The following RNLS variants were observed in gnomAD, a reference collection of about 807,000 sequenced individuals.
The protein encoded by RNLS is renalase, FAD dependent amine oxidase.
Under a neutral mutation model 39.8 loss-of-function variants are expected in RNLS, and 39 were observed. The observed-to-expected ratio is 0.98, with a 90% confidence interval of 0.76 to 1.28. The LOEUF is 1.28. RNLS is among the 50% of genes most tolerant of loss of function. The pLI is 0.00. For synonymous variants in RNLS, 147 were observed against 150.7 expected, an observed-to-expected ratio of 0.98 and a Z score of 0.18; for missense variants, 410 against 413.3, an observed-to-expected ratio of 0.99 and a Z score of 0.07.
At chr10:88,180,492 T>A in the RNLS span, among the ~76,000 whole-genome samples, 1 of 152,172 alleles carries the variant, frequency 6.6e-6, no homozygotes, top group Non-Finnish European at 1.5e-5. Context: ...CAGAAACAGT[T>A]TTTGGTGCTT....
At chr10:88,172,279 A>G in the RNLS span, among the ~76,000 whole-genome samples, 2 of 152,136 alleles carry the variant, frequency 1.3e-5, no homozygotes, top group Non-Finnish European at 2.9e-5. Context: ...GTACTAATTT[A>G]TATTCATACC....
the RNLS span, among the ~76,000 whole-genome samples, chr10:88,251,684 A>C: frequency 6.6e-6 from 1 of 152,250 alleles, no homozygotes; most frequent in Non-Finnish European, 1.5e-5. Flanking sequence ...GTGCATACAC[A>C]CACGTATCTG....
chr10:88,413,410 C>T (rs903267788), intron 4 of RNLS, among the ~76,000 whole-genome samples: 16 of 152,186 alleles, frequency 1.1e-4, no homozygotes, highest in African/African-American at 3.6e-4. Context: ...TTGCTTCTGG[C>T]ACTGTGAAAA....
At chr10:88,287,074 C>A (rs1178761677) in intron 6 of RNLS, among the ~76,000 whole-genome samples, 2 of 152,092 alleles carry the variant, frequency 1.3e-5, no homozygotes. Flanking sequence ...CAGGCATAAG[C>A]CACCATGCCT....
At chr10:88,310,801 C>CAAATAAAAAAAAAAA (rs1845303605) in intron 6 of RNLS, among the ~76,000 whole-genome samples, 1 of 19,586 alleles carries the variant, frequency 5.1e-5, no homozygotes, top group Non-Finnish European at 9.0e-5. Context: ...CTACCTCTGC[C>CAAATAAAAAAAAAAA]AAAAAAAAAA....
chr10:88,210,277 A>T, the RNLS span, among the ~76,000 whole-genome samples: 1 of 152,180 alleles, frequency 6.6e-6, no homozygotes, highest in East Asian at 1.9e-4. Context: ...CTTAGTAAAT[A>T]ATCAGTATTT....
intron 4 of RNLS, among the ~76,000 whole-genome samples, chr10:88,443,178 C>G (rs1006596308): frequency 1.3e-5 from 2 of 151,970 alleles, no homozygotes; most frequent in African/African-American, 4.8e-5. Flanking sequence ...GACTTTTGTC[C>G]CTTTTAATTT....
intron 4 of RNLS, among the ~76,000 whole-genome samples, chr10:88,423,818 C>T (rs774485840): frequency 2.6e-5 from 4 of 152,156 alleles, no homozygotes; most frequent in Non-Finnish European, 5.9e-5. Flanking sequence ...GTGCTATCTA[C>T]AGCAGGTATG....
intron 4 of RNLS, among the ~76,000 whole-genome samples, chr10:88,369,910 T>TC (rs1389554060): frequency 6.6e-6 from 1 of 152,168 alleles, no homozygotes; most frequent in Non-Finnish European, 1.5e-5. Context: ...GGTTTTGAAC[T>TC]CCTGACCTCA....
chr10:88,547,615 G>T (rs1848385536), intron 4 of RNLS, among the ~76,000 whole-genome samples: 1 of 152,138 alleles, frequency 6.6e-6, no homozygotes, highest in South Asian at 2.1e-4. Context: ...AGAATTATAA[G>T]CATAGCACTA....
At chr10:88,416,307 G>T (rs940897776) in intron 4 of RNLS, among the ~76,000 whole-genome samples, 5 of 151,694 alleles carry the variant, frequency 3.3e-5, no homozygotes. Context: ...AGGCTGGAGT[G>T]CAATGGCGTG....
At chr10:88,516,833 A>G (rs1846431147) in intron 4 of RNLS, among the ~76,000 whole-genome samples, 1 of 151,996 alleles carries the variant, frequency 6.6e-6, no homozygotes, top group South Asian at 2.1e-4. Context: ...TTTGTACAGC[A>G]TTTAAAACCA....
intron 4 of RNLS, among the ~76,000 whole-genome samples, chr10:88,429,237 AC>A (rs929727581): frequency 2.2e-4 from 33 of 152,054 alleles, no homozygotes; most frequent in South Asian, 1.0e-3. Context: ...GACTTAGTTT[AC>A]TCATATGTAA....
intron 4 of RNLS, among the ~76,000 whole-genome samples, chr10:88,406,390 C>A (rs1853273788): frequency 6.6e-6 from 1 of 151,930 alleles, no homozygotes; most frequent in Non-Finnish European, 1.5e-5. Context: ...TAACATAAAC[C>A]CAGACTTCTC....
chr10:88,279,817 A>T (rs990631350), downstream of RNLS, among the ~76,000 whole-genome samples: 1 of 152,150 alleles, frequency 6.6e-6, no homozygotes, highest in Non-Finnish European at 1.5e-5. Flanking sequence ...CTTTCCAAGG[A>T]CTACATTAGA....
At chr10:88,402,038 A>G (rs1440438867) in intron 4 of RNLS, among the ~76,000 whole-genome samples, 2 of 152,074 alleles carry the variant, frequency 1.3e-5, no homozygotes, top group Non-Finnish European at 2.9e-5. Flanking sequence ...TAAGATACAG[A>G]AAAGAGAGGG....
intron 5 of RNLS, among the ~76,000 whole-genome samples, chr10:88,335,244 G>A (rs1161413236): frequency 7.0e-6 from 1 of 141,880 alleles, no homozygotes; most frequent in Non-Finnish European, 1.5e-5. Flanking sequence ...TTGCGACAAT[G>A]TCTTGCTCTA....
At position 88,572,957 on chromosome 10, in the gene RNLS, CA is replaced by C; in HGVS notation, c.471del (p.Ile157MetfsTer20). ...QTGSPEQFDL[I>X]VLTMPVPEIL... The stretch of plus-strand genomic sequence containing the variant: ...ATCTCAGGAACTGGCATTGTGAGAA[CA>C]ATAAGATCAAACTGCTCAGGGGAGC... On this transcript the variant is annotated frameshift_variant, in exon 4 of 7. Transcript: ENST00000331772. LOFTEE classifies it high-confidence loss of function. 1 of 1,614,030 alleles carries C rather than the reference CA, an allele frequency of 6.2e-7. No homozygotes were observed. The highest frequency in any genetic ancestry group is 8.5e-7 in the Non-Finnish European group (1 of 1,179,928).
the RNLS span, among the ~76,000 whole-genome samples, chr10:88,187,203 A>G: frequency 3.1e-3 from 425 of 136,200 alleles, 14 homozygotes; most frequent in East Asian, 0.072. Context: ...TATAATATAT[A>G]TATAATATAT....
Sources: gnomAD v4.1 joint callset for allele counts (sites outside exome capture counted in the v4.1 genomes callset) on GRCh38, gnomAD v4.1.1 for gene constraint, MANE v1.5 for transcripts, NCBI Gene and HGNC (gene_info 2026-07-23, HGNC 2026-07-21) for gene names.